The following RBMS1 variants were observed in gnomAD, a reference collection of about 807,000 sequenced individuals.
RBMS1 encodes RNA-binding motif, single-stranded-interacting protein 1.
RBMS1 carries 17 observed loss-of-function variants against 62.3 expected under a neutral mutation model. That is an observed-to-expected ratio of 0.27 (90% CI 0.19 to 0.41). RBMS1 has a LOEUF of 0.41. Among genes scored for constraint, RBMS1 ranks in the 10% least tolerant of loss-of-function variants. The pLI is 1.00. For missense variants in RBMS1, 334 were observed against 504.5 expected, an observed-to-expected ratio of 0.66 and a Z score of 3.24; for synonymous variants, 172 against 170.0, an observed-to-expected ratio of 1.01 and a Z score of -0.09.
intron 1 of RBMS1, among the ~76,000 whole-genome samples, chr2:160,449,107 C>G (rs1273682055): frequency 1.3e-5 from 2 of 151,794 alleles, no homozygotes; most frequent in East Asian, 3.9e-4. Context: ...GCAGCCGCCC[C>G]GTCTGGGAAG....
chr2:160,434,852 T>C (rs1683050080), intron 1 of RBMS1, among the ~76,000 whole-genome samples: 2 of 152,154 alleles, frequency 1.3e-5, no homozygotes, highest in Non-Finnish European at 2.9e-5. Flanking sequence ...AAATCATTAC[T>C]AAATCAGCCA....
intron 13 of RBMS1, chr2:160,275,408 T>A: frequency 2.8e-6 from 2 of 721,992 alleles, no homozygotes; most frequent in African/African-American, 3.6e-5. Flanking sequence ...GGGGAGAGTA[T>A]ACATTTGGCT....
At position 160,275,342 on chromosome 2, in the gene RBMS1, A is replaced by T. The variant is rs1011255597; in HGVS notation, c.*7+288T>A. The T allele has an allele frequency of 2.5e-5, 6 of 236,156 alleles. 1 individual carries two copies. The highest frequency in any genetic ancestry group is 3.1e-3 in the Middle Eastern group (2 of 644). The allele number at this position is 236,156 out of a possible 1,614,324, so 14.6% of individuals were successfully genotyped here. A position where few individuals can be genotyped will look rare whatever the true frequency, so the allele number is the denominator to read the frequency against. On this transcript the variant is annotated intron_variant, in intron 13 of 13. Transcript: ENST00000348849. Reference sequence around the variant, plus strand: ...ATATAGGATACTTGTATTATAGAACAATTTTGGTTCTTGGTGTTCTCTGAT... The same window carrying T: ...ATATAGGATACTTGTATTATAGAACTATTTTGGTTCTTGGTGTTCTCTGAT...
At chr2:160,303,305 A>G (rs776137259) in intron 5 of RBMS1, 25 bp downstream of exon 5, 1 of 1,562,288 alleles carries the variant, frequency 6.4e-7, no homozygotes. Flanking sequence ...TTGTTGACAT[A>G]ATAAAGACTG....
At chr2:160,427,717 T>C (rs769784409) in intron 1 of RBMS1, among the ~76,000 whole-genome samples, 9 of 152,190 alleles carry the variant, frequency 5.9e-5, no homozygotes, top group Non-Finnish European at 1.2e-4. Flanking sequence ...CTGTTGGGTA[T>C]TATTTACAAG....
chr2:160,326,400 A>G (rs1559386066), intron 2 of RBMS1, among the ~76,000 whole-genome samples: 1 of 152,218 alleles, frequency 6.6e-6, no homozygotes, highest in South Asian at 2.1e-4. Context: ...TAAAGGAGGC[A>G]TAAACATAGA....
chr2:160,473,414 T>C (rs1446113664), intron 1 of RBMS1, among the ~76,000 whole-genome samples: 1 of 152,222 alleles, frequency 6.6e-6, no homozygotes, highest in Admixed American at 6.5e-5. Flanking sequence ...GTTAATTTCA[T>C]GGAATTTGTC....
intron 1 of RBMS1, among the ~76,000 whole-genome samples, chr2:160,450,343 C>A (rs953163385): frequency 2.6e-5 from 4 of 151,966 alleles, no homozygotes; most frequent in African/African-American, 7.3e-5. Context: ...GAATTCAAGA[C>A]CAGCTTGACC....
intron 1 of RBMS1, among the ~76,000 whole-genome samples, chr2:160,371,710 G>A (rs1467389109): frequency 5.3e-5 from 8 of 152,260 alleles, no homozygotes; most frequent in African/African-American, 1.9e-4. Flanking sequence ...AGCACTCAGA[G>A]AGAACTTCCC....
chr2:160,375,749 A>T (rs1376111988), intron 1 of RBMS1, among the ~76,000 whole-genome samples: 2 of 152,148 alleles, frequency 1.3e-5, no homozygotes, highest in Non-Finnish European at 2.9e-5. Flanking sequence ...GTGCAAAATT[A>T]ATTATTCTTC....
At chr2:160,314,999 C>G (rs901320770) in intron 3 of RBMS1, among the ~76,000 whole-genome samples, 1 of 152,140 alleles carries the variant, frequency 6.6e-6, no homozygotes, top group African/African-American at 2.4e-5. Context: ...ACAGCTTTTA[C>G]TGATGGATAT....
At chr2:160,434,373 C>T (rs1234927815) in intron 1 of RBMS1, among the ~76,000 whole-genome samples, 1 of 151,912 alleles carries the variant, frequency 6.6e-6, no homozygotes, top group African/African-American at 2.4e-5. Context: ...ATCCAATTAC[C>T]AACTATTTCA....
intron 1 of RBMS1, among the ~76,000 whole-genome samples, chr2:160,421,750 T>G (rs1327167390): frequency 2.6e-5 from 4 of 152,194 alleles, no homozygotes; most frequent in African/African-American, 4.8e-5. Flanking sequence ...TTGAACTAGT[T>G]TACAGTCCCA....
In RBMS1 at chr2:160,416,263, A is replaced by C. The variant is rs550864830; in HGVS notation, c.76-48872T>G. 2.6e-5 allele frequency: 4 copies of C among 152,048 alleles called. No individual in the cohort carries two copies. In the East Asian group the frequency reaches 7.7e-4, roughly 29 times the overall value. 9.4% of individuals were successfully genotyped at this position (152,048 alleles called of 1,614,324 possible). On this transcript the variant is annotated intron_variant, in intron 1 of 13. Coordinates refer to ENST00000348849, the MANE Select transcript of RBMS1 (RefSeq NM_016836.4). ...TCCAAACTGTAAAAAACACTCCCAG[A>C]ACGCTGACAACATATTAGATACTCC...
chr2:160,284,914 A>G, intron 8 of RBMS1, 46 bp from the exon 9 acceptor site: 1 of 1,569,274 alleles, frequency 6.4e-7, no homozygotes, highest in African/African-American at 1.4e-5. Flanking sequence ...TTTAAATAGA[A>G]TAATTCATGG....
chr2:160,384,302 G>A (rs761679148), intron 1 of RBMS1, among the ~76,000 whole-genome samples: 4 of 152,114 alleles, frequency 2.6e-5, no homozygotes, highest in Non-Finnish European at 5.9e-5. Flanking sequence ...TAGAGATTTG[G>A]GGTGGGGGTA....
intron 2 of RBMS1, among the ~76,000 whole-genome samples, chr2:160,332,628 A>G (rs1691343858): frequency 6.6e-6 from 1 of 152,080 alleles, no homozygotes. Flanking sequence ...TTCAGGGCTT[A>G]CTTAACTTTG....
intron 3 of RBMS1, 69 bp from the exon 4 acceptor site, chr2:160,313,316 G>A (rs757277971): frequency 8.9e-6 from 13 of 1,460,172 alleles, no homozygotes; most frequent in Non-Finnish European, 1.2e-5. Context: ...TAAAAGAACA[G>A]CTCTACTTTG....
At chr2:160,420,283 A>C (rs930382660) in intron 1 of RBMS1, among the ~76,000 whole-genome samples, 5 of 151,198 alleles carry the variant, frequency 3.3e-5, no homozygotes, top group Admixed American at 1.3e-4. Context: ...CCATGAACTC[A>C]CTCTTCTCTA....
Sources: gnomAD v4.1 joint callset for allele counts (sites outside exome capture counted in the v4.1 genomes callset) on GRCh38, gnomAD v4.1.1 for gene constraint, MANE v1.5 for transcripts, NCBI Gene and HGNC (gene_info 2026-07-23, HGNC 2026-07-21) for gene names.